DNAH3: variants seen among roughly 807,000 people sequenced by gnomAD.
DNAH3 encodes dynein axonemal heavy chain 3.
In DNAH3, 332 loss-of-function variants were observed where a neutral mutation model predicts 432.5. The observed-to-expected ratio is 0.77, with a 90% CI of 0.70 to 0.84. DNAH3 has a LOEUF of 0.84. DNAH3 is among the 40% of genes least tolerant of loss of function. The pLI is 0.00. For synonymous variants in DNAH3, 1,956 were observed against 1,900.2 expected (o/e 1.03, Z -0.76); for missense variants, 4,861 against 5,114.0 (o/e 0.95, Z 1.51).
At chr16:20,975,381 T>C in exon 51 of DNAH3, 1 of 1,614,174 alleles carries the variant, frequency 6.2e-7, no homozygotes, top group Non-Finnish European at 8.5e-7. Flanking sequence ...GAGTTGAGGT[T>C]GAAGAGCTGT....
intron 41 of DNAH3, among the ~76,000 whole-genome samples, chr16:21,015,711 G>A (rs2087825318): frequency 6.6e-6 from 1 of 152,160 alleles, no homozygotes; most frequent in Non-Finnish European, 1.5e-5. Flanking sequence ...ATAAATTTAA[G>A]ACTAAAGTCT....
chr16:20,988,829 G>A (rs759726195), intron 44 of DNAH3, among the ~76,000 whole-genome samples: 22 of 151,892 alleles, frequency 1.4e-4, no homozygotes, highest in Non-Finnish European at 2.8e-4. Context: ...GAATGTGTTC[G>A]GAGTTTTTTC....
At chr16:21,158,327 G>A (rs2092913371) in intron 1 of DNAH3, 1 of 152,290 alleles carries the variant, frequency 6.6e-6, no homozygotes, top group African/African-American at 2.4e-5. Context: ...GCATACAGGA[G>A]GGGAAACCCT....
At chr16:21,157,325 T>C (rs1241037249) in intron 1 of DNAH3, among the ~76,000 whole-genome samples, 1 of 144,928 alleles carries the variant, frequency 6.9e-6, no homozygotes, top group Non-Finnish European at 1.5e-5. Context: ...ACTACAACCC[T>C]GTGATTGCTT....
intron 28 of DNAH3, among the ~76,000 whole-genome samples, chr16:21,052,866 G>A (rs952200083): frequency 3.9e-5 from 6 of 152,222 alleles, no homozygotes; most frequent in Non-Finnish European, 8.8e-5. Context: ...ATATAGCAGG[G>A]GAAGGAAGCC....
chr16:21,141,948 A>G (rs952174794), intron 3 of DNAH3, among the ~76,000 whole-genome samples: 6 of 152,180 alleles, frequency 3.9e-5, no homozygotes, highest in African/African-American at 1.4e-4. Flanking sequence ...GCTACTTGGG[A>G]GGCTGAGGCA....
rs998699988 is a variant in DNAH3, at chr16:20,975,417, T to C, written c.8077-2A>G. On this transcript the variant is annotated splice_acceptor_variant, in intron 50 of 61. Coordinates refer to ENST00000261383, the Ensembl canonical transcript of DNAH3. LOFTEE classifies it high-confidence loss of function. ...CAGTTCTCTTTGCATAACCGCTACC[T>C]AGCAAGGAGAGAGGTGGGAGAAATC... 1 of 1,612,422 alleles carries C rather than the reference T, an allele frequency of 6.2e-7. No homozygotes were observed. Among genetic ancestry groups the C allele is most frequent in the Non-Finnish European group, 8.5e-7 (1 of 1,179,096 alleles).
At chr16:20,936,345 G>A (rs778046963) in intron 60 of DNAH3, among the ~76,000 whole-genome samples, 18 of 151,944 alleles carry the variant, frequency 1.2e-4, no homozygotes, top group Non-Finnish European at 2.1e-4. Context: ...TAGTAGAGAC[G>A]GGGTTTCACC....
At position 21,105,730 on chromosome 16, in the gene DNAH3, C is replaced by CTA. The variant is rs1288659865; in HGVS notation, c.2284+758_2284+759dup. ...GCAGTGAGCCGAGGGTGGCACTGCA[C>CTA]TACAGCCTGGATGACAGAGCAAGAC... On this transcript the variant is annotated intron_variant, in intron 15 of 61. Transcript: ENST00000261383. Among the ~76,000 whole-genome samples, 6 of 152,030 alleles carry CTA rather than the reference C, an allele frequency of 3.9e-5. No homozygotes were observed. The East Asian group carries it at 5.8e-4, about 15-fold the overall frequency.
At chr16:20,952,181 C>T (rs1053673333) in intron 56 of DNAH3, among the ~76,000 whole-genome samples, 1 of 152,138 alleles carries the variant, frequency 6.6e-6, no homozygotes, top group Non-Finnish European at 1.5e-5. Flanking sequence ...CCCCGCTGGC[C>T]TGTATCATTT....
chr16:20,955,503 T>C (rs565714971), intron 54 of DNAH3, among the ~76,000 whole-genome samples: 3 of 152,066 alleles, frequency 2.0e-5, no homozygotes, highest in Admixed American at 2.0e-4. Context: ...TCCCTCTATG[T>C]TGCCCAGGCT....
chr16:21,054,279 T>C, intron 28 of DNAH3, 141 bp downstream of exon 28: 1 of 650,116 alleles, frequency 1.5e-6, no homozygotes, highest in Non-Finnish European at 2.6e-6. Flanking sequence ...CCTTTGGCTC[T>C]CATCTTACTC....
chr16:20,996,550 C>T (rs889865812), intron 44 of DNAH3, among the ~76,000 whole-genome samples: 1 of 152,128 alleles, frequency 6.6e-6, no homozygotes, highest in Non-Finnish European at 1.5e-5. Context: ...ACCTCTGCCT[C>T]TTGGGTTCAA....
chr16:21,075,321 C>A, intron 21 of DNAH3, 126 bp downstream of exon 21: 1 of 716,308 alleles, frequency 1.4e-6, no homozygotes, highest in Non-Finnish European at 2.5e-6. Context: ...CAGTAGGAAA[C>A]AATCAAGACA....
chr16:21,136,187 GA>G (rs1324310436), intron 6 of DNAH3, 136 bp downstream of exon 7: 16 of 779,446 alleles, frequency 2.1e-5, no homozygotes, highest in Non-Finnish European at 2.9e-5. Flanking sequence ...GCTAAGGAGG[GA>G]GGATTGCTTG....
intron 40 of DNAH3, among the ~76,000 whole-genome samples, chr16:21,020,591 C>T (rs954661035): frequency 2.0e-5 from 3 of 147,856 alleles, no homozygotes; most frequent in Admixed American, 6.8e-5. Flanking sequence ...TTAGTAGAGA[C>T]GGGGTTTTAC....
intron 7 of DNAH3, among the ~76,000 whole-genome samples, chr16:21,132,391 A>G (rs1459416626): frequency 6.6e-6 from 1 of 152,212 alleles, no homozygotes; most frequent in Non-Finnish European, 1.5e-5. Flanking sequence ...TCATTTCATT[A>G]GCCTGGCCTT....
intron 55 of DNAH3, 44 bp from the exon 56 acceptor site, chr16:20,952,593 T>G: frequency 7.9e-7 from 1 of 1,269,766 alleles, no homozygotes; most frequent in South Asian, 1.2e-5. Flanking sequence ...CTGAGAGCTC[T>G]TAATTTCCAC....
At chr16:20,980,777 T>C (rs1024010259) in intron 49 of DNAH3, among the ~76,000 whole-genome samples, 6 of 152,224 alleles carry the variant, frequency 3.9e-5, no homozygotes, top group African/African-American at 7.2e-5. Flanking sequence ...TAAAATATTT[T>C]AAAATTTGTA....
Sources: allele counts gnomAD v4.1 joint callset (sites outside exome capture counted in the v4.1 genomes callset), GRCh38; gene constraint gnomAD v4.1.1; transcripts MANE v1.5; gene names NCBI Gene and HGNC (gene_info 2026-07-23, HGNC 2026-07-21).